ZNF287: variants seen among roughly 807,000 people sequenced by gnomAD.
The protein encoded by ZNF287 is zinc finger protein 287, also known as zinc finger protein with KRAB and SCAN domains 13.
Under a neutral mutation model 73.7 loss-of-function variants are expected in ZNF287, and 31 were observed. The ratio of observed to expected loss-of-function variants is 0.42; its 90% confidence interval spans 0.32 to 0.57. The LOEUF (loss-of-function observed/expected upper bound fraction) is 0.57, where lower values mean the gene tolerates loss of function less well. Ranked by LOEUF, ZNF287 falls within the 20% of genes least tolerant of loss-of-function variation. The pLI is 0.13. For missense variants in ZNF287, 641 were observed against 909.3 expected, an observed-to-expected ratio of 0.70 and a Z score of 3.79; for synonymous variants, 301 against 307.2, an observed-to-expected ratio of 0.98 and a Z score of 0.21.
intron 5 of ZNF287, among the ~76,000 whole-genome samples, chr17:16,555,923 T>G (rs907297435): frequency 6.6e-6 from 1 of 152,120 alleles, no homozygotes; most frequent in African/African-American, 2.4e-5. Flanking sequence ...GTATAATACC[T>G]TTACAAATAT....
In ZNF287 at chr17:16,550,703, C is replaced by A. The variant is rs995920171; in HGVS notation, c.*1153G>T. On this transcript the variant is annotated 3_prime_UTR_variant, in exon 6 of 6. Transcript: ENST00000395825. ...GCACTGTAACAAGCTTGAGAGGATC[C>A]AATTAGGAAGTTTGGGACCTGAGCA... Among the ~76,000 whole-genome samples the A allele has an allele frequency of 1.3e-5, 2 of 152,046 alleles. No individual in the cohort carries two copies. Among genetic ancestry groups the A allele is most frequent in the African/African-American group, 4.8e-5 (2 of 41,398 alleles).
chr17:16,548,578 A>T lies in ZNF287; in HGVS notation c.*3278T>A, dbSNP rs1169994805. The stretch of plus-strand genomic sequence containing the variant: ...TTTGGGAGGCTGAGGCGGGTGGATC[A>T]CGAGGTCAGGATATCGAGACAAGCC... On this transcript the variant is annotated 3_prime_UTR_variant, in exon 6 of 6. Transcript: ENST00000395825. 6.6e-6 allele frequency among the ~76,000 whole-genome samples: 1 copy of T among 152,086 alleles called. No homozygotes were observed. The highest frequency in any genetic ancestry group is 6.6e-5 in the Admixed American group (1 of 15,252).
chr17:16,554,695 G>T (rs1252249251), intron 5 of ZNF287, among the ~76,000 whole-genome samples: 1 of 152,198 alleles, frequency 6.6e-6, no homozygotes, highest in Non-Finnish European at 1.5e-5. Flanking sequence ...AAGGTGGGTG[G>T]ATCACTTCAG....
At position 16,552,169 on chromosome 17, in the gene ZNF287, C is replaced by T; in HGVS notation, c.1973G>A (p.Arg658Lys). ...ATGCTGAGTAAGATTTGCGCCTTGT[C>T]TATATGCTTTCCCACATATATTGCA... ...FKCNICGKAY[R>K]QGANLTQHQR... The change falls in exon 6 of 6, where the codon AGA (arginine) becomes AAA (lysine). Residue 658 changes from arginine (R) to lysine (K), a missense_variant. Around this residue, in one of 2 missense-constraint regions of ZNF287, gnomAD observed 284 missense variants for 466.8 expected, o/e 0.61. Transcript: ENST00000395825. The surrounding 1 kb of genome is among the most constrained non-coding windows in gnomAD (Gnocchi z 6.5). The T allele has an allele frequency of 6.2e-7, 1 of 1,614,044 alleles. No individual in the cohort carries two copies. Among genetic ancestry groups the T allele is most frequent in the Non-Finnish European group, 8.5e-7 (1 of 1,179,968 alleles).
Position 16,547,511 on chromosome 17 carries a change from G to A in ZNF287, c.*4345C>T, listed in dbSNP as rs769501662. On this transcript the variant is annotated 3_prime_UTR_variant, in exon 6 of 6. Transcript: ENST00000395825. The stretch of plus-strand genomic sequence containing the variant: ...TAACAAGATTTAGTTGTTTGCACCC[G>A]AAAGTTTATCCCAGTTATGTAATTA... 2.8e-4 allele frequency among the ~76,000 whole-genome samples: 43 copies of A among 152,142 alleles called. No homozygotes were observed. Among genetic ancestry groups the A allele is most frequent in the Non-Finnish European group, 5.7e-4 (39 of 68,030 alleles).
chr17:16,548,176 A>G lies in ZNF287; in HGVS notation c.*3680T>C, dbSNP rs537340527. Among the ~76,000 whole-genome samples, 24 of 152,236 alleles carry G rather than the reference A, an allele frequency of 1.6e-4. No individual in the cohort carries two copies. The highest frequency in any genetic ancestry group is 6.5e-4 in the Admixed American group (10 of 15,284). ...TTTACCAGGTAAAAAGTTGTTGGCAATCAAAATATCCATGTGCTGCCAGTG... is the reference window on the plus strand; with the variant it reads ...TTTACCAGGTAAAAAGTTGTTGGCAGTCAAAATATCCATGTGCTGCCAGTG... On this transcript the variant is annotated 3_prime_UTR_variant, in exon 6 of 6. Coordinates refer to ENST00000395825, the MANE Select transcript of ZNF287 (RefSeq NM_020653.4).
In ZNF287 at chr17:16,552,858, C is replaced by T; in HGVS notation, c.1284G>A (p.Gln428=). The stretch of plus-strand genomic sequence containing the variant: ...CACGCTGGCTGAAGGCTTTACCACA[C>T]TGGTGGCATTCATATGGTTTTTCTC... ...HTGEKPYECH[Q]CGKAFSQRAH... The change falls in exon 6 of 6, where the codon CAG becomes CAA. Residue 428 remains glutamine (Q), a synonymous_variant. Transcript: ENST00000395825. The surrounding 1 kb of genome is among the most constrained non-coding windows in gnomAD (Gnocchi z 6.5). 1.9e-6 allele frequency: 3 copies of T among 1,614,142 alleles called. No individual in the cohort carries two copies. The highest frequency in any genetic ancestry group is 1.1e-5 in the South Asian group (1 of 91,076).
Position 16,553,048 on chromosome 17 carries a change from T to G in ZNF287, c.1094A>C (p.Glu365Ala). ...GIVHRKILPG[E>A]KPYKCNVCGK... Reference sequence around the variant, plus strand: ...ACACACATTACACTTGTAAGGCTTCTCTCCAGGAAGTATTTTCCTATGTAC... The same window carrying G: ...ACACACATTACACTTGTAAGGCTTCGCTCCAGGAAGTATTTTCCTATGTAC... Residue 365 changes from glutamate to alanine, a missense_variant, in exon 6 of 6, where the codon GAG (glutamate) becomes GCG (alanine). Transcript: ENST00000395825. 1 of 1,614,218 alleles carries G rather than the reference T, an allele frequency of 6.2e-7. No homozygotes were observed. Among genetic ancestry groups the G allele is most frequent in the Non-Finnish European group, 8.5e-7 (1 of 1,180,010 alleles).
intron 5 of ZNF287, 47 bp from the exon 6 acceptor site, chr17:16,553,473 G>A: frequency 7.4e-7 from 1 of 1,355,664 alleles, no homozygotes; most frequent in Non-Finnish European, 9.7e-7. Context: ...TTGGAGAAAG[G>A]AAACTGCCAA....
intron 3 of ZNF287, among the ~76,000 whole-genome samples, chr17:16,566,161 T>C (rs1907729911): frequency 1.3e-5 from 2 of 152,192 alleles, no homozygotes; most frequent in African/African-American, 4.8e-5. Context: ...GTAAATTCTA[T>C]TTATGAGAGT....
intron 5 of ZNF287, among the ~76,000 whole-genome samples, chr17:16,555,673 T>G (rs1347297618): frequency 6.6e-6 from 1 of 150,856 alleles, no homozygotes; most frequent in East Asian, 2.0e-4. Context: ...TGACCCTCAA[T>G]CTAACCTGGC....
chr17:16,549,689 T>C lies in ZNF287; in HGVS notation c.*2167A>G, dbSNP rs1446995133. On this transcript the variant is annotated 3_prime_UTR_variant, in exon 6 of 6. Transcript: ENST00000395825. ...TCAGTACCTGTTTGTAGGATGGTTT[T>C]ATAAACAGTAATGTCCAAAGGAAGT... Among the ~76,000 whole-genome samples the C allele has an allele frequency of 6.6e-6, 1 of 152,178 alleles. No homozygotes were observed. Among genetic ancestry groups the C allele is most frequent in the East Asian group, 1.9e-4 (1 of 5,198 alleles).
rs747404301 is a variant in ZNF287, at chr17:16,552,981, T to C, written c.1161A>G (p.Gln387=). The C allele has an allele frequency of 2.5e-6, 4 of 1,614,018 alleles. No individual in the cohort carries two copies. Among genetic ancestry groups the C allele is most frequent in the Non-Finnish European group, 3.4e-6 (4 of 1,180,028 alleles). The change falls in exon 6 of 6, where the codon CAA becomes CAG. Residue 387 remains glutamine (Q), a synonymous_variant. Transcript: ENST00000395825. This position sits in a 1 kb window ranked among gnomAD's most constrained non-coding sequence, Gnocchi z 6.5. ...ACGATTTCTCTTTGGCATGGGTACT[T>C]TGGTGTTTCAGGAGGGATGGGTATT... ...FRKYPSLLKH[Q]STHAKEKSYE...
chr17:16,568,623 C>G (rs902628278), intron 1 of ZNF287: 1 of 152,368 alleles, frequency 6.6e-6, no homozygotes, highest in Non-Finnish European at 1.5e-5. Context: ...GCTCCAGCTC[C>G]GAGCCCTGCT....
In ZNF287 at chr17:16,551,015, T is replaced by C. The variant is rs1042867208; in HGVS notation, c.*841A>G. Among the ~76,000 whole-genome samples the C allele has an allele frequency of 2.6e-5, 4 of 152,194 alleles. No homozygotes were observed. The highest frequency in any genetic ancestry group is 9.7e-5 in the African/African-American group (4 of 41,446). ...ATACACATTAGTTTCTATCATAACA[T>C]ATCTTTCATTAAGCTTCTCTTTAAT... On this transcript the variant is annotated 3_prime_UTR_variant, in exon 6 of 6. Transcript: ENST00000395825.
chr17:16,560,830 C>T (rs146164803), intron 5 of ZNF287, among the ~76,000 whole-genome samples: 5,848 of 149,512 alleles, frequency 0.039, 364 homozygotes, highest in African/African-American at 0.13. Flanking sequence ...GGTGAAACCC[C>T]GTCTCTACTA....
At chr17:16,557,300 A>C (rs898284182) in intron 5 of ZNF287, among the ~76,000 whole-genome samples, 1 of 152,218 alleles carries the variant, frequency 6.6e-6, no homozygotes, top group African/African-American at 2.4e-5. Flanking sequence ...TAATATTTCT[A>C]AACAGAGGAG....
intron 5 of ZNF287, among the ~76,000 whole-genome samples, chr17:16,561,053 C>T (rs1340672023): frequency 2.0e-5 from 3 of 151,772 alleles, no homozygotes; most frequent in African/African-American, 4.8e-5. Context: ...CGGTGGCTCA[C>T]GCCTGTAATC....
At position 16,552,009 on chromosome 17, in the gene ZNF287, C is replaced by T. The variant is rs754432750; in HGVS notation, c.2133G>A (p.Lys711=). 11 of 1,613,892 alleles carry T rather than the reference C, an allele frequency of 6.8e-6. No homozygotes were observed. In the African/African-American group the frequency reaches 1.1e-4, roughly 16 times the overall value. Residue 711 remains lysine, a synonymous_variant, in exon 6 of 6, where the codon AAG becomes AAA. Coordinates refer to ENST00000395825, the MANE Select transcript of ZNF287 (RefSeq NM_020653.4). The surrounding 1 kb of genome is among the most constrained non-coding windows in gnomAD (Gnocchi z 6.5). The part of the protein sequence containing the change: ...ERPYKCNECD[K]DFSQRTCLIQ... ...TAAGGCATGTTCTCTGGCTAAAATC[C>T]TTATCACATTCATTACATTTATAGG...
Sources: allele counts gnomAD v4.1 joint callset (sites outside exome capture counted in the v4.1 genomes callset), GRCh38; gene constraint gnomAD v4.1.1; regional missense constraint gnomAD v4.1.1; non-coding constraint Gnocchi (gnomAD v3.1); transcripts MANE v1.5; gene names NCBI Gene and HGNC (gene_info 2026-07-23, HGNC 2026-07-21).